UTRN: variants seen among roughly 807,000 people sequenced by gnomAD.
The protein encoded by UTRN is dystrophin-related protein 1.
A neutral mutation model predicts 463.9 loss-of-function variants in UTRN; 283 were observed. That is an observed-to-expected ratio of 0.61 (90% CI 0.55 to 0.67). The LOEUF is 0.67. Among genes scored for constraint, UTRN ranks in the 30% least tolerant of loss-of-function variants. The probability of loss-of-function intolerance (pLI) is 0.00; values close to 1 mark genes in which losing one functional copy is unlikely to be tolerated. For missense variants in UTRN, 3,922 were observed against 4,084.3 expected (o/e 0.96, Z 1.08); for synonymous variants, 1,442 against 1,431.5 (o/e 1.01, Z -0.17).
intron 66 of UTRN, among the ~76,000 whole-genome samples, chr6:144,822,191 G>A (rs1779661295): frequency 2.6e-5 from 4 of 152,022 alleles, no homozygotes; most frequent in Admixed American, 2.6e-4. Context: ...TATTTGGTCT[G>A]CAGACCAAAA....
At chr6:144,514,575 CT>C in intron 36 of UTRN, 74 bp from the exon 37 acceptor site, 1 of 1,453,074 alleles carries the variant, frequency 6.9e-7, no homozygotes, top group South Asian at 1.3e-5. Context: ...ACTACCTTTC[CT>C]TCTGTATAAG....
chr6:144,666,941 A>G (rs1293331955), intron 51 of UTRN, among the ~76,000 whole-genome samples: 1 of 152,078 alleles, frequency 6.6e-6, no homozygotes, highest in Non-Finnish European at 1.5e-5. Flanking sequence ...TTGGAACCCA[A>G]ATGTCCTGAT....
intron 51 of UTRN, among the ~76,000 whole-genome samples, chr6:144,633,997 C>G (rs531826673): frequency 1.3e-5 from 2 of 152,336 alleles, no homozygotes; most frequent in East Asian, 3.9e-4. Flanking sequence ...TCTAGCTGCA[C>G]AGCTGAGCAA....
intron 54 of UTRN, among the ~76,000 whole-genome samples, chr6:144,736,787 C>G (rs888726138): frequency 1.3e-5 from 2 of 152,192 alleles, no homozygotes; most frequent in African/African-American, 2.4e-5. Flanking sequence ...CCTTGTGCCT[C>G]TCTTCACTCC....
intron 2 of UTRN, among the ~76,000 whole-genome samples, chr6:144,311,440 T>C (rs190290015): frequency 3.9e-5 from 6 of 152,330 alleles, no homozygotes; most frequent in Admixed American, 3.3e-4. Context: ...TGCTAAATTC[T>C]AGAAAACCTG....
intron 23 of UTRN, among the ~76,000 whole-genome samples, chr6:144,463,116 A>G (rs1276650411): frequency 6.6e-6 from 1 of 152,230 alleles, no homozygotes; most frequent in Admixed American, 6.5e-5. Flanking sequence ...TTGCTTAAAA[A>G]TGGTCAAAAT....
At chr6:144,520,613 T>C (rs1796003932) in intron 39 of UTRN, among the ~76,000 whole-genome samples, 1 of 152,198 alleles carries the variant, frequency 6.6e-6, no homozygotes, top group Non-Finnish European at 1.5e-5. Flanking sequence ...ACGCAGTAGT[T>C]TAACAAATTC....
chr6:144,664,444 T>A (rs1780183646), intron 51 of UTRN, among the ~76,000 whole-genome samples: 1 of 151,756 alleles, frequency 6.6e-6, no homozygotes, highest in African/African-American at 2.4e-5. Context: ...ACTTAGTAAT[T>A]TGACTGTTTT....
rs1224806677 is a variant in UTRN, at chr6:144,768,953, G to GTTTTTTT, written c.8496-2950_8496-2949insTTTTTTT. 4.8e-5 allele frequency among the ~76,000 whole-genome samples: 5 copies of GTTTTTTT among 105,086 alleles called. No individual in the cohort carries two copies. The East Asian group carries it at 1.0e-3, about 22-fold the overall frequency. 68.9% of individuals were successfully genotyped at this position (105,086 alleles called of 152,430 possible). On this transcript the variant is annotated intron_variant, in intron 58 of 74. Transcript: ENST00000367545. ...TAATTGCTACTTTGTTTTTTGTTTTGTTTTGTTTTTTTTTTTTTAATTTTA... is the reference window on the plus strand; with the variant it reads ...TAATTGCTACTTTGTTTTTTGTTTTGTTTTTTTTTTTGTTTTTTTTTTTTTAATTTTA...
At chr6:144,795,194 C>G (rs1038552835) in intron 63 of UTRN, among the ~76,000 whole-genome samples, 1 of 152,188 alleles carries the variant, frequency 6.6e-6, no homozygotes, top group Non-Finnish European at 1.5e-5. Context: ...CTGCAAGGGA[C>G]ATGGACTCAT....
chr6:144,672,942 G>C (rs1057067667), intron 51 of UTRN, among the ~76,000 whole-genome samples: 2 of 152,050 alleles, frequency 1.3e-5, no homozygotes, highest in African/African-American at 4.8e-5. Context: ...AGATCATTCA[G>C]GAGCAGATTA....
At chr6:144,314,117 A>C (rs961208972) in intron 2 of UTRN, among the ~76,000 whole-genome samples, 2 of 152,202 alleles carry the variant, frequency 1.3e-5, no homozygotes, top group African/African-American at 4.8e-5. Context: ...AAAAGAGAAA[A>C]AACAACCTTT....
chr6:144,470,400 G>A (rs1445534411), intron 23 of UTRN, among the ~76,000 whole-genome samples: 8 of 151,438 alleles, frequency 5.3e-5, no homozygotes. Flanking sequence ...GTGGCTGCTG[G>A]GCGGAGGGGC....
rs1232817208 is a variant in UTRN, at chr6:144,548,750, A to G, written c.6706A>G (p.Thr2236Ala). Reference protein sequence around the residue: ...SIPADLDKTITELADWLVLID... With the variant: ...SIPADLDKTIAELADWLVLID... ...TCCTGCTGATCTTGATAAAACTATA[A>G]CAGAACTAGCCGACTGGCTGGTATT... Residue 2236 changes from threonine to alanine, a missense_variant, in exon 47 of 75, where the codon ACA becomes GCA. Coordinates refer to ENST00000367545, the MANE Select transcript of UTRN (RefSeq NM_007124.3). The G allele has an allele frequency of 3.1e-6, 5 of 1,613,950 alleles. No individual in the cohort carries two copies. The highest frequency in any genetic ancestry group is 4.2e-6 in the Non-Finnish European group (5 of 1,179,966).
chr6:144,447,181 A>G, intron 14 of UTRN, 30 bp from the exon 15 acceptor site: 1 of 1,588,682 alleles, frequency 6.3e-7, no homozygotes, highest in Admixed American at 1.8e-5. Flanking sequence ...GATTTTGCAG[A>G]TAAAGTTCAA....
chr6:144,288,808 G>T (rs1803936203), intron 1 of UTRN, among the ~76,000 whole-genome samples: 4 of 148,676 alleles, frequency 2.7e-5, no homozygotes, highest in Admixed American at 2.7e-4. Context: ...GGTCGTCAAG[G>T]CTGGAGTGCA....
chr6:144,437,294 G>A (rs1786658362), intron 10 of UTRN, among the ~76,000 whole-genome samples: 1 of 152,104 alleles, frequency 6.6e-6, no homozygotes, highest in South Asian at 2.1e-4. Flanking sequence ...CATGATCTAT[G>A]AGTAGCATAG....
chr6:144,406,323 C>T (rs558531391), intron 3 of UTRN, among the ~76,000 whole-genome samples: 1 of 150,800 alleles, frequency 6.6e-6, no homozygotes, highest in African/African-American at 2.4e-5. Context: ...CATGCTCCAC[C>T]TTCTCCATCT....
Position 144,484,432 on chromosome 6 carries a change from C to CTTTT in UTRN, c.3688-929_3688-926dup, listed in dbSNP as rs765122659. 5.3e-4 allele frequency among the ~76,000 whole-genome samples: 35 copies of CTTTT among 66,252 alleles called. 6 individuals are homozygous for CTTTT. The highest frequency in any genetic ancestry group is 1.8e-3 in the African/African-American group (24 of 13,096). The allele number at this position is 66,252 out of a possible 152,430, so 43.5% of individuals were successfully genotyped here. ...TTTTTCATTTTGTTCAAAAACCAAA[C>CTTTT]TTTTTTTTTTTTTTTTTTTTTTTTT... On this transcript the variant is annotated intron_variant, in intron 27 of 74. Transcript: ENST00000367545.
Sources: gnomAD v4.1 joint callset for allele counts (sites outside exome capture counted in the v4.1 genomes callset) on GRCh38, gnomAD v4.1.1 for gene constraint, MANE v1.5 for transcripts, NCBI Gene and HGNC (gene_info 2026-07-23, HGNC 2026-07-21) for gene names.